The following EFCAB5 variants were observed in gnomAD, a reference collection of about 807,000 sequenced individuals.
The protein encoded by EFCAB5 is EF-hand calcium binding domain 5.
A neutral mutation model predicts 167.9 loss-of-function variants in EFCAB5; 131 were observed. The ratio of observed to expected loss-of-function variants is 0.78; its 90% CI spans 0.68 to 0.90. EFCAB5 has a LOEUF of 0.90. Among genes scored for constraint, EFCAB5 ranks in the 40% least tolerant of loss-of-function variants. EFCAB5 has a pLI of 0.00. For synonymous variants in EFCAB5, 574 were observed against 602.8 expected (o/e 0.95, Z 0.70); for missense variants, 1,663 against 1,745.2 (o/e 0.95, Z 0.84).
upstream of EFCAB5, among the ~76,000 whole-genome samples, chr17:29,939,933 A>G (rs1387703948): frequency 6.6e-6 from 1 of 152,188 alleles, no homozygotes; most frequent in Non-Finnish European, 1.5e-5. Context: ...CTAGTCTTTT[A>G]CTATCCAGCT....
chr17:29,998,771 A>G (rs2151649181), intron 6 of EFCAB5, among the ~76,000 whole-genome samples: 1 of 152,312 alleles, frequency 6.6e-6, no homozygotes, highest in Middle Eastern at 3.4e-3. Flanking sequence ...GACAGGCAGG[A>G]AGAGTTACTA....
chr17:30,030,371 G>A (rs1053052660), intron 7 of EFCAB5, among the ~76,000 whole-genome samples: 3 of 152,108 alleles, frequency 2.0e-5, no homozygotes, highest in African/African-American at 4.8e-5. Flanking sequence ...ACGGAGTCTC[G>A]CTCGCTCTGT....
intron 3 of EFCAB5, among the ~76,000 whole-genome samples, chr17:29,950,827 T>A (rs2067494139): frequency 6.6e-6 from 1 of 152,152 alleles, no homozygotes; most frequent in Admixed American, 6.6e-5. Context: ...GCAGTCAAAT[T>A]TTGGGGGAGT....
chr17:29,946,435 T>G (rs1411950045), intron 3 of EFCAB5, among the ~76,000 whole-genome samples: 12 of 131,710 alleles, frequency 9.1e-5, no homozygotes, highest in African/African-American at 3.4e-4. Context: ...ATTTCTTTTT[T>G]TTTTTTTTTT....
intron 3 of EFCAB5, among the ~76,000 whole-genome samples, chr17:29,961,535 T>C (rs2067720239): frequency 6.6e-6 from 1 of 152,298 alleles, no homozygotes; most frequent in South Asian, 2.1e-4. Context: ...TTAAAGCCAG[T>C]GGCATGAAGA....
chr17:30,077,516 G>C (rs79714885), intron 14 of EFCAB5, among the ~76,000 whole-genome samples: 1 of 152,110 alleles, frequency 6.6e-6, no homozygotes, highest in Non-Finnish European at 1.5e-5. Context: ...GAATGGAATA[G>C]GGCAGATCAT....
chr17:30,079,122 C>T (rs574874716), intron 15 of EFCAB5, among the ~76,000 whole-genome samples: 21 of 152,322 alleles, frequency 1.4e-4, no homozygotes, highest in Non-Finnish European at 2.2e-4. Flanking sequence ...TTCCACTAAT[C>T]CAGGGAACCT....
In EFCAB5 at chr17:30,107,928, C is replaced by CT; in HGVS notation, c.4416_4417insT (p.Lys1473Ter). Reference sequence around the variant, plus strand: ...TCTGTTCAGCTCTCATGAAGATAACCAAACAACTAAATAGTGGTATTACAC... The same window carrying CT: ...TCTGTTCAGCTCTCATGAAGATAACCTAAACAACTAAATAGTGGTATTACAC... On this transcript the variant is annotated frameshift_variant, in exon 23 of 23. Coordinates refer to ENST00000394835, the MANE Select transcript of EFCAB5 (RefSeq NM_198529.4). LOFTEE classifies it low-confidence loss of function (END_TRUNC). The CT allele has an allele frequency of 6.2e-7, 1 of 1,611,458 alleles. No individual in the cohort carries two copies. Among genetic ancestry groups the CT allele is most frequent in the Non-Finnish European group, 8.5e-7 (1 of 1,179,282 alleles).
At chr17:30,086,979 T>C in intron 18 of EFCAB5, 84 bp from the exon 19 acceptor site, 3 of 1,194,180 alleles carry the variant, frequency 2.5e-6, no homozygotes, top group Middle Eastern at 4.0e-4. Context: ...CTTTCCTATT[T>C]TTTTTCTATT....
At chr17:29,946,717 C>G (rs929987912) in intron 3 of EFCAB5, among the ~76,000 whole-genome samples, 1 of 151,914 alleles carries the variant, frequency 6.6e-6, no homozygotes, top group Non-Finnish European at 1.5e-5. Context: ...GGATTACAGG[C>G]GTGAGCCACC....
At chr17:30,020,601 C>T (rs1048766703) in intron 7 of EFCAB5, among the ~76,000 whole-genome samples, 4 of 152,134 alleles carry the variant, frequency 2.6e-5, no homozygotes, top group Middle Eastern at 3.4e-3. Flanking sequence ...GTGACCCACC[C>T]GCCTCGGCCT....
chr17:29,993,025 C>A (rs897155101), intron 4 of EFCAB5, 140 bp from the exon 5 acceptor site: 3 of 729,996 alleles, frequency 4.1e-6, no homozygotes, highest in South Asian at 3.8e-5. Flanking sequence ...GGAAGAAGGG[C>A]TCACTACAGG....
At chr17:29,931,093 T>C (rs2067186820) in intron 1 of EFCAB5, among the ~76,000 whole-genome samples, 1 of 152,160 alleles carries the variant, frequency 6.6e-6, no homozygotes, top group South Asian at 2.1e-4. Flanking sequence ...AAGAATGTAA[T>C]GGAAAATCAA....
At chr17:29,968,010 G>A (rs1461724176) in intron 3 of EFCAB5, among the ~76,000 whole-genome samples, 1 of 151,756 alleles carries the variant, frequency 6.6e-6, no homozygotes, top group Non-Finnish European at 1.5e-5. Flanking sequence ...GAGTAGTTGG[G>A]ACCACAGGTG....
At chr17:30,106,552 G>A (rs2151863868) in intron 22 of EFCAB5, among the ~76,000 whole-genome samples, 1 of 152,042 alleles carries the variant, frequency 6.6e-6, no homozygotes, top group Admixed American at 6.6e-5. Flanking sequence ...CACCTCCCAG[G>A]TCCAAGCGAT....
intron 3 of EFCAB5, among the ~76,000 whole-genome samples, chr17:29,958,626 C>T (rs1397461467): frequency 2.0e-5 from 3 of 152,138 alleles, no homozygotes; most frequent in Non-Finnish European, 4.4e-5. Flanking sequence ...ATCTCTGTGA[C>T]TCTGGGATTG....
chr17:30,053,294 TG>T lies in EFCAB5; in HGVS notation c.1341del (p.Leu447PhefsTer22). Reference sequence around the variant, plus strand: ...TTTGAAGAGATAAACTTGACTGAGTTGTGGGGAGACATGGATAATCAGAAAC... The same window carrying T: ...TTTGAAGAGATAAACTTGACTGAGTTTGGGGAGACATGGATAATCAGAAAC... ...IEFEEINLTE[L>X]WGDMDNQKHI... is the part of the protein sequence containing the mutation. On this transcript the variant is annotated frameshift_variant, in exon 10 of 23. Transcript: ENST00000394835. LOFTEE classifies it high-confidence loss of function. 6.2e-7 allele frequency: 1 copy of T among 1,612,318 alleles called. No individual in the cohort carries two copies. The highest frequency in any genetic ancestry group is 1.7e-5 in the Admixed American group (1 of 59,820).
rs201348434 is a variant in EFCAB5, at chr17:29,947,955, AG to A, written c.190+4307del. 7.2e-3 allele frequency among the ~76,000 whole-genome samples: 1,091 copies of A among 152,198 alleles called. 15 individuals are homozygous for A. Among genetic ancestry groups the A allele is most frequent in the African/African-American group, 0.023 (935 of 41,508 alleles). The stretch of plus-strand genomic sequence containing the variant: ...ATTCTCATGCCTCAGCCTCCCAAAT[AG>A]CTGGGATTGCAGCCATCTGCCACTC... On this transcript the variant is annotated intron_variant, in intron 3 of 22. Transcript: ENST00000394835.
At chr17:30,055,700 G>C (rs993435182) in intron 10 of EFCAB5, among the ~76,000 whole-genome samples, 188 bp from the exon 11 acceptor site, 1 of 152,188 alleles carries the variant, frequency 6.6e-6, no homozygotes, top group African/African-American at 2.4e-5. Context: ...TTTTGCTATA[G>C]AGCTGCTTTC....
Sources: allele counts gnomAD v4.1 joint callset (sites outside exome capture counted in the v4.1 genomes callset), GRCh38; gene constraint gnomAD v4.1.1; transcripts MANE v1.5; gene names NCBI Gene and HGNC (gene_info 2026-07-23, HGNC 2026-07-21).